ACOX3: variants seen among roughly 807,000 people sequenced by gnomAD.
ACOX3 encodes the protein peroxisomal acyl-coenzyme A oxidase 3.
A neutral mutation model predicts 81.5 loss-of-function variants in ACOX3; 73 were observed. The observed-to-expected ratio is 0.90, with a 90% confidence interval of 0.74 to 1.09. ACOX3 has a LOEUF of 1.09. Among genes scored for constraint, ACOX3 ranks in the 50% least tolerant of loss-of-function variants. The pLI is 0.00. For missense variants in ACOX3, 947 were observed against 928.0 expected (o/e 1.02, Z -0.27); for synonymous variants, 387 against 375.1 (o/e 1.03, Z -0.37).
At chr4:8,420,965 G>A (rs958449475) in intron 1 of ACOX3, among the ~76,000 whole-genome samples, 5 of 152,088 alleles carry the variant, frequency 3.3e-5, no homozygotes, top group African/African-American at 7.2e-5. Context: ...CATGACCCAC[G>A]GCTTCTAATA....
rs562715040 is a variant in ACOX3, at chr4:8,400,872, T to C, written c.777-1220A>G. On this transcript the variant is annotated intron_variant, in intron 7 of 17. Transcript: ENST00000356406. This position sits in a 1 kb window ranked among gnomAD's most constrained non-coding sequence, Gnocchi z 4.4. ...GATGATTCAAGCACATTATATTTAT[T>C]GTGCACTTTATTTCTATTATTATTA... Among the ~76,000 whole-genome samples the C allele has an allele frequency of 7.2e-5, 11 of 152,128 alleles. No individual in the cohort carries two copies. Among genetic ancestry groups the C allele is most frequent in the Non-Finnish European group, 1.6e-4 (11 of 68,026 alleles).
intron 5 of ACOX3, among the ~76,000 whole-genome samples, chr4:8,413,733 CA>C: frequency 6.6e-6 from 1 of 152,224 alleles, no homozygotes; most frequent in Non-Finnish European, 1.5e-5. Context: ...AGCCCCAGGG[CA>C]TCCATCTGTG....
Position 8,375,113 on chromosome 4 carries a change from G to C in ACOX3, c.1693C>G (p.Leu565Val). The C allele has an allele frequency of 6.4e-7, 1 of 1,554,298 alleles. No individual in the cohort carries two copies. Among genetic ancestry groups the C allele is most frequent in the East Asian group, 2.4e-5 (1 of 41,844 alleles). Residue 565 changes from leucine to valine, a missense_variant, in exon 15 of 18, where the codon CTC becomes GTC. Leu to Val is a conservative substitution (Grantham distance 32). Coordinates refer to ENST00000356406, the MANE Select transcript of ACOX3 (RefSeq NM_003501.3). ...GRPLALAFVE[L>V]TVVQRFHEHV... ...TCGTGGAACCTCTGGACCACCGTGA[G>C]CTCCACGAAGGCCAGCGCCAACGGA... is the stretch of plus-strand genomic sequence containing the variant.
At chr4:8,403,513 C>T (rs972026463) in intron 7 of ACOX3, among the ~76,000 whole-genome samples, 3 of 152,340 alleles carry the variant, frequency 2.0e-5, no homozygotes, top group Admixed American at 6.5e-5. Context: ...CACTGCATCC[C>T]TGTCACCCTG....
rs770760716 is a variant in ACOX3 at position 8,416,497 on chromosome 4, C to G, written c.25G>C (p.Asp9His). The change falls in exon 2 of 18, where the codon GAC becomes CAC. Residue 9 changes from aspartate to histidine, a missense_variant. Asp to His is a moderately conservative substitution (Grantham distance 81). Transcript: ENST00000356406. This position sits in a 1 kb window ranked among gnomAD's most constrained non-coding sequence, Gnocchi z 4.2. MASTVEGGDTALLPEFPRG... is the reference protein window; with the variant it reads MASTVEGGHTALLPEFPRG... ...GGGAATTCTGGGAGCAGAGCTGTGT[C>G]GCCTCCTTCCACAGTGGATGCCATC... 1 of 1,611,648 alleles carries G rather than the reference C, an allele frequency of 6.2e-7. No individual in the cohort carries two copies. Among genetic ancestry groups the G allele is most frequent in the Non-Finnish European group, 8.5e-7 (1 of 1,178,588 alleles).
In ACOX3 at chr4:8,419,519, T is replaced by G. The variant is rs1349715129; in HGVS notation, c.-14-2984A>C. On this transcript the variant is annotated intron_variant, in intron 1 of 17. Transcript: ENST00000356406. This position sits in a 1 kb window ranked among gnomAD's most constrained non-coding sequence, Gnocchi z 4.2. ...GTGGAGAAATCAGACTCTCATGCCC[T>G]TCCAGTGAAAATGTAAAGTGACCCA... Among the ~76,000 whole-genome samples, 3 of 152,138 alleles carry G rather than the reference T, an allele frequency of 2.0e-5. No homozygotes were observed. Among genetic ancestry groups the G allele is most frequent in the Admixed American group, 1.3e-4 (2 of 15,284 alleles).
Position 8,406,325 on chromosome 4 carries a change from A to G in ACOX3, c.688-282T>C, listed in dbSNP as rs563231374. ...CCCTAAATCCCACGGCAAGTGTCCT[A>G]TGAGAATCAGAAGAGGAGTGGGTGT... is the stretch of plus-strand genomic sequence containing the variant. On this transcript the variant is annotated intron_variant, in intron 6 of 17. Coordinates refer to ENST00000356406, the MANE Select transcript of ACOX3 (RefSeq NM_003501.3). This position sits in a 1 kb window ranked among gnomAD's most constrained non-coding sequence, Gnocchi z 5.6. Among the ~76,000 whole-genome samples, 32 of 152,318 alleles carry G rather than the reference A, an allele frequency of 2.1e-4. 1 individual carries two copies. The South Asian group carries it at 4.1e-3, about 20-fold the overall frequency.
the ACOX3 span, chr4:8,355,906 G>A: frequency 6.2e-6 from 1 of 160,516 alleles, no homozygotes; most frequent in Non-Finnish European, 1.4e-5. Flanking sequence ...GAACATATAT[G>A]AACAGACTTC....
At chr4:8,375,483 G>T (rs942556639) in intron 14 of ACOX3, among the ~76,000 whole-genome samples, 1 of 152,160 alleles carries the variant, frequency 6.6e-6, no homozygotes, top group Non-Finnish European at 1.5e-5. Flanking sequence ...ATGCTCTGCG[G>T]CTACAGAGTG....
intron 17 of ACOX3, among the ~76,000 whole-genome samples, chr4:8,369,142 C>T (rs1288633260): frequency 6.6e-5 from 10 of 152,166 alleles, no homozygotes; most frequent in African/African-American, 2.2e-4. Flanking sequence ...CAGAGCAAGG[C>T]ACAGCAGGTA....
At chr4:8,413,934 G>A (rs985140740) in intron 5 of ACOX3, among the ~76,000 whole-genome samples, 2 of 152,358 alleles carry the variant, frequency 1.3e-5, no homozygotes, top group Non-Finnish European at 2.9e-5. Context: ...GGGGCCCACC[G>A]TAGAAACCAC....
chr4:8,435,044 TAAAA>T (rs1331785901), intron 1 of ACOX3, among the ~76,000 whole-genome samples: 1 of 151,700 alleles, frequency 6.6e-6, no homozygotes, highest in Non-Finnish European at 1.5e-5. Flanking sequence ...GAAACTGTGT[TAAAA>T]AAAAATTTCA....
rs558092750 is a variant in ACOX3, at chr4:8,370,652, C to T, written c.1983+256G>A. Among the ~76,000 whole-genome samples the T allele has an allele frequency of 1.3e-5, 2 of 151,924 alleles. No homozygotes were observed. The highest frequency in any genetic ancestry group is 4.8e-5 in the African/African-American group (2 of 41,404). On this transcript the variant is annotated intron_variant, in intron 17 of 17. Transcript: ENST00000356406. The surrounding 1 kb of genome is among the most constrained non-coding windows in gnomAD (Gnocchi z 6.3). ...GACCTCCAACCTCTGCCTGTGCAGG[C>T]GGGCAGTGCCACCACCCCATCTCGG...
intron 13 of ACOX3, among the ~76,000 whole-genome samples, chr4:8,387,121 T>G (rs941965109): frequency 6.6e-6 from 1 of 152,232 alleles, no homozygotes; most frequent in Non-Finnish European, 1.5e-5. Flanking sequence ...GTGTGGCACC[T>G]CGAGGGCGGT....
intron 7 of ACOX3, among the ~76,000 whole-genome samples, chr4:8,403,623 G>A (rs895598995): frequency 4.6e-5 from 7 of 152,168 alleles, no homozygotes; most frequent in African/African-American, 1.7e-4. Context: ...TGTTAGTGGC[G>A]ATCCTATAGG....
chr4:8,372,022 G>A (rs914725479), intron 16 of ACOX3, among the ~76,000 whole-genome samples: 1 of 152,186 alleles, frequency 6.6e-6, no homozygotes, highest in Non-Finnish European at 1.5e-5. Context: ...CCCCAAGACA[G>A]TGGTATGGAT....
At chr4:8,371,791 G>A (rs1716241935) in intron 16 of ACOX3, among the ~76,000 whole-genome samples, 1 of 152,290 alleles carries the variant, frequency 6.6e-6, no homozygotes, top group South Asian at 2.1e-4. Flanking sequence ...GAAGCTCTCG[G>A]CAGAGCACAG....
downstream of ACOX3, among the ~76,000 whole-genome samples, chr4:8,362,713 C>A (rs1715259975): frequency 6.6e-6 from 1 of 152,212 alleles, no homozygotes; most frequent in Admixed American, 6.5e-5. Context: ...CACTTTCTGA[C>A]AGGTCCAGTA....
chr4:8,406,098 C>G lies in ACOX3; in HGVS notation c.688-55G>C. The G allele has an allele frequency of 6.4e-7, 1 of 1,566,942 alleles. No individual in the cohort carries two copies. The highest frequency in any genetic ancestry group is 8.8e-7 in the Non-Finnish European group (1 of 1,138,376). On this transcript the variant is annotated intron_variant, in intron 6 of 17. Coordinates refer to ENST00000356406, the MANE Select transcript of ACOX3 (RefSeq NM_003501.3). The surrounding 1 kb of genome is among the most constrained non-coding windows in gnomAD (Gnocchi z 5.6). ...GCAACTGTTACAATCACACAAAAAT[C>G]AAAACAAATGTGTTCAGAAACCCAC...
Sources: gnomAD v4.1 joint callset for allele counts (sites outside exome capture counted in the v4.1 genomes callset) on GRCh38, gnomAD v4.1.1 for gene constraint, Gnocchi (gnomAD v3.1) non-coding constraint, MANE v1.5 for transcripts, NCBI Gene and HGNC (gene_info 2026-07-23, HGNC 2026-07-21) for gene names.